ACSF2: variants seen among roughly 807,000 people sequenced by gnomAD.
ACSF2 encodes the protein medium-chain acyl-CoA ligase ACSF2, mitochondrial.
Under a neutral mutation model 79.3 loss-of-function variants are expected in ACSF2, and 52 were observed. The observed-to-expected ratio is 0.66, with a 90% CI of 0.53 to 0.83. The LOEUF is 0.83. Among genes scored for constraint, ACSF2 ranks in the 40% least tolerant of loss-of-function variants. ACSF2 has a pLI of 0.00. For missense variants in ACSF2, 661 were observed against 803.3 expected (o/e 0.82, Z 2.14); for synonymous variants, 283 against 312.6 (o/e 0.91, Z 1.00).
chr17:50,472,456 C>T lies in ACSF2; in HGVS notation c.1352C>T (p.Thr451Met), dbSNP rs773310923. The T allele has an allele frequency of 1.6e-5, 25 of 1,612,496 alleles. No individual in the cohort carries two copies. Among genetic ancestry groups the T allele is most frequent in the African/African-American group, 6.7e-5 (5 of 74,818 alleles). Residue 451 changes from threonine (T) to methionine (M), a missense_variant, in exon 12 of 16, where the codon ACG (threonine) becomes ATG (methionine). Transcript: ENST00000300441. ...EARIMNMEAG[T>M]LAKLNTPGEL... The stretch of plus-strand genomic sequence containing the variant: ...CGGATCATGAACATGGAGGCAGGGA[C>T]GCTGGCAAAGCTGAACACGCCCGGG...
chr17:50,442,597 C>G (rs1017134479), intron 1 of ACSF2, among the ~76,000 whole-genome samples: 10 of 152,084 alleles, frequency 6.6e-5, no homozygotes, highest in Admixed American at 2.0e-4. Context: ...TCCCAAGTAG[C>G]TGGGACCACA....
rs1482858554 is a variant in ACSF2, at chr17:50,440,409, C to T, written c.128+14020C>T. On this transcript the variant is annotated intron_variant, in intron 1 of 15. Coordinates refer to ENST00000300441, the MANE Select transcript of ACSF2 (RefSeq NM_025149.6). Reference sequence around the variant, plus strand: ...AGGGGCAGGGTCCACCTGTAAACCTCTGGCCCAGGTTCCAAGAACCTCTAC... The same window carrying T: ...AGGGGCAGGGTCCACCTGTAAACCTTTGGCCCAGGTTCCAAGAACCTCTAC... Among the ~76,000 whole-genome samples, 3 of 152,334 alleles carry T rather than the reference C, an allele frequency of 2.0e-5. No individual in the cohort carries two copies. In the East Asian group the frequency reaches 5.8e-4, roughly 29 times the overall value.
intron 1 of ACSF2, among the ~76,000 whole-genome samples, chr17:50,446,674 C>A (rs2031322678): frequency 6.6e-6 from 1 of 152,210 alleles, no homozygotes; most frequent in Non-Finnish European, 1.5e-5. Flanking sequence ...AAGTCACTGA[C>A]CCTCACCAAC....
intron 1 of ACSF2, among the ~76,000 whole-genome samples, chr17:50,451,560 C>T (rs192834704): frequency 6.0e-4 from 91 of 152,304 alleles, no homozygotes; most frequent in African/African-American, 2.1e-3. Context: ...AGCGATTCTC[C>T]TGCCTCAGCC....
In ACSF2 at chr17:50,468,936, C is replaced by G. The variant is rs999107038; in HGVS notation, c.1216-2092C>G. On this transcript the variant is annotated intron_variant, in intron 10 of 15. Coordinates refer to ENST00000300441, the MANE Select transcript of ACSF2 (RefSeq NM_025149.6). ...GGTGGCCCTGACCGCAGCCGGCAGCCGAGCCAGCTCCTACGTGGAGCATCG... is the reference window on the plus strand; with the variant it reads ...GGTGGCCCTGACCGCAGCCGGCAGCGGAGCCAGCTCCTACGTGGAGCATCG... The G allele has an allele frequency of 6.9e-5, 97 of 1,404,888 alleles. 3 individuals are homozygous for G. The South Asian group carries it at 1.2e-3, about 17-fold the overall frequency. 87.0% of individuals were successfully genotyped at this position (1,404,888 alleles called of 1,614,324 possible). A position where few individuals can be genotyped will look rare whatever the true frequency, so the allele number is the denominator to read the frequency against.
intron 1 of ACSF2, chr17:50,426,791 C>A (rs1431093631): frequency 2.7e-6 from 3 of 1,128,196 alleles, no homozygotes; most frequent in Admixed American, 2.1e-5. Flanking sequence ...CAGCCCCAGT[C>A]TCCCCGACCC....
chr17:50,426,587 T>C (rs1278737999), intron 1 of ACSF2, among the ~76,000 whole-genome samples, 198 bp downstream of exon 1: 1 of 151,952 alleles, frequency 6.6e-6, no homozygotes, highest in Non-Finnish European at 1.5e-5. Flanking sequence ...GGGAGGGGGC[T>C]TTGGTTGGTG....
At chr17:50,445,616 G>A (rs1441953537) in intron 1 of ACSF2, among the ~76,000 whole-genome samples, 2 of 152,040 alleles carry the variant, frequency 1.3e-5, no homozygotes, top group Non-Finnish European at 2.9e-5. Flanking sequence ...GCAACATAGG[G>A]AGACACTCTG....
At chr17:50,460,141 C>T in intron 1 of ACSF2, 1 of 455,194 alleles carries the variant, frequency 2.2e-6, no homozygotes, top group South Asian at 1.6e-5. Context: ...CCAGCTGCCT[C>T]TCTTAGGGCC....
chr17:50,426,394 T>TG lies in ACSF2; in HGVS notation c.128+7dup, dbSNP rs761540656. On this transcript the variant is annotated splice_donor_region_variant and intron_variant, in intron 1 of 15. Coordinates refer to ENST00000300441, the MANE Select transcript of ACSF2 (RefSeq NM_025149.6). ...GCAGGGTGTCCGCTTCCTCAGGTAC[T>TG]GGCCCCCCGCGGGAAGAGAGGGGGC... The TG allele has an allele frequency of 3.7e-6, 5 of 1,333,368 alleles. No homozygotes were observed. The highest frequency in any genetic ancestry group is 4.8e-6 in the Non-Finnish European group (5 of 1,034,928). The allele number at this position is 1,333,368 out of a possible 1,614,324, so 82.6% of individuals were successfully genotyped here.
chr17:50,439,545 T>C (rs189761699), intron 1 of ACSF2, among the ~76,000 whole-genome samples: 2 of 152,344 alleles, frequency 1.3e-5, no homozygotes, highest in Admixed American at 1.3e-4. Context: ...TTACTATATC[T>C]CTAGCAGTGA....
Position 50,463,802 on chromosome 17 carries a change from A to G in ACSF2, c.1047-16A>G. 1 of 1,611,116 alleles carries G rather than the reference A, an allele frequency of 6.2e-7. No homozygotes were observed. Among genetic ancestry groups the G allele is most frequent in the East Asian group, 2.2e-5 (1 of 44,826 alleles). The stretch of plus-strand genomic sequence containing the variant: ...TTCCACTTCCAAGCCTAATTTCGAG[A>G]CCTCCTCCTATACAGAGGCACCTTC... On this transcript the variant is annotated splice_polypyrimidine_tract_variant and intron_variant, in intron 8 of 15. Transcript: ENST00000300441. The surrounding 1 kb of genome is among the most constrained non-coding windows in gnomAD (Gnocchi z 4.6).
At position 50,468,525 on chromosome 17, in the gene ACSF2, C is replaced by T. The variant is rs140941589; in HGVS notation, c.1216-2503C>T. ...TACAAGTAGATAAGTTGCTTGAGGCCGCGGAAGGCACCGGCGGCCACCTCG... is the reference window on the plus strand; with the variant it reads ...TACAAGTAGATAAGTTGCTTGAGGCTGCGGAAGGCACCGGCGGCCACCTCG... On this transcript the variant is annotated intron_variant, in intron 10 of 15. Transcript: ENST00000300441. 6.8e-6 allele frequency: 11 copies of T among 1,614,122 alleles called. No homozygotes were observed. The African/African-American group carries it at 8.0e-5, about 12-fold the overall frequency.
At chr17:50,439,701 C>T (rs753784014) in intron 1 of ACSF2, among the ~76,000 whole-genome samples, 3 of 152,136 alleles carry the variant, frequency 2.0e-5, no homozygotes, top group Non-Finnish European at 4.4e-5. Flanking sequence ...TGCTGCTGGG[C>T]TCAGTGGCAC....
chr17:50,438,993 C>G (rs2030662095), intron 1 of ACSF2, among the ~76,000 whole-genome samples: 1 of 151,936 alleles, frequency 6.6e-6, no homozygotes, highest in Admixed American at 6.6e-5. Flanking sequence ...ATGGAAAGTA[C>G]TTAGAATCAT....
intron 1 of ACSF2, among the ~76,000 whole-genome samples, chr17:50,441,087 T>A (rs556658610): frequency 1.3e-3 from 195 of 152,100 alleles, no homozygotes; most frequent in Non-Finnish European, 2.5e-3. Context: ...GAGTAAAGAG[T>A]AGTACTCTTG....
At chr17:50,453,505 G>A (rs769213839) in intron 1 of ACSF2, among the ~76,000 whole-genome samples, 1 of 151,966 alleles carries the variant, frequency 6.6e-6, no homozygotes, top group African/African-American at 2.4e-5. Flanking sequence ...ACCGCGCTCG[G>A]CCTCACCTGC....
At chr17:50,450,928 C>T (rs1430738162) in intron 1 of ACSF2, among the ~76,000 whole-genome samples, 2 of 150,356 alleles carry the variant, frequency 1.3e-5, no homozygotes, top group Non-Finnish European at 1.5e-5. Context: ...CATTCATGTA[C>T]GGGTTTTTGT....
At chr17:50,443,197 C>T (rs1381160920) in intron 1 of ACSF2, among the ~76,000 whole-genome samples, 1 of 152,086 alleles carries the variant, frequency 6.6e-6, no homozygotes. Context: ...CGTGAGCCAC[C>T]GCGCCCGGCC....
Sources: allele counts gnomAD v4.1 joint callset (sites outside exome capture counted in the v4.1 genomes callset), GRCh38; gene constraint gnomAD v4.1.1; non-coding constraint Gnocchi (gnomAD v3.1); transcripts MANE v1.5; gene names NCBI Gene and HGNC (gene_info 2026-07-23, HGNC 2026-07-21).